Variants in DNAH17 observed in about 807,000 individuals in gnomAD.
DNAH17 encodes the protein axonemal beta dynein heavy chain 17.
A neutral mutation model predicts 485.6 loss-of-function variants in DNAH17; 376 were observed. That is an observed-to-expected ratio of 0.77 (90% confidence interval 0.71 to 0.84). The LOEUF (loss-of-function observed/expected upper bound fraction) is 0.84, where lower values mean the gene tolerates loss of function less well. Among genes scored for constraint, DNAH17 ranks in the 40% least tolerant of loss-of-function variants. The probability of loss-of-function intolerance (pLI) is 0.00; values close to 1 mark genes in which losing one functional copy is unlikely to be tolerated. For synonymous variants in DNAH17, 3,031 were observed against 2,405.9 expected, an observed-to-expected ratio of 1.26 and a Z score of -7.60; for missense variants, 6,370 against 5,839.3, an observed-to-expected ratio of 1.09 and a Z score of -2.96.
At chr17:78,428,390 T>TA in intron 77 of DNAH17, 135 bp downstream of exon 77, 1 of 1,118,702 alleles carries the variant, frequency 8.9e-7, no homozygotes, top group East Asian at 2.6e-5. Flanking sequence ...GTGTTTCTGA[T>TA]ACCCAAGCCC....
intron 69 of DNAH17, among the ~76,000 whole-genome samples, chr17:78,448,812 A>G (rs2087424334): frequency 6.6e-6 from 1 of 152,170 alleles, no homozygotes; most frequent in African/African-American, 2.4e-5. Flanking sequence ...GCCTTCCACC[A>G]TGGGATGACA....
intron 66 of DNAH17, among the ~76,000 whole-genome samples, chr17:78,451,157 C>G (rs1383742092): frequency 1.3e-5 from 2 of 152,266 alleles, no homozygotes; most frequent in African/African-American, 4.8e-5. Context: ...GGCTGGCAGC[C>G]AGGCCATTCT....
chr17:78,525,236 C>A, intron 24 of DNAH17, 75 bp from the exon 25 acceptor site: 1 of 1,549,460 alleles, frequency 6.5e-7, no homozygotes, highest in Non-Finnish European at 8.7e-7. Context: ...CGACGTTCTG[C>A]CCGTCTCTCC....
At chr17:78,535,304 C>CAGCTT (rs1258530701) in intron 19 of DNAH17, among the ~76,000 whole-genome samples, 1 of 152,224 alleles carries the variant, frequency 6.6e-6, no homozygotes, top group Non-Finnish European at 1.5e-5. Flanking sequence ...AACTCTGGAA[C>CAGCTT]AGCTTGCTGC....
At chr17:78,469,613 A>G (rs544676606) in intron 54 of DNAH17, among the ~76,000 whole-genome samples, 1 of 152,226 alleles carries the variant, frequency 6.6e-6, no homozygotes, top group Non-Finnish European at 1.5e-5. Flanking sequence ...AGGGTGCAGG[A>G]GACCCAAAAC....
At chr17:78,452,300 A>G (rs1181955024) in intron 65 of DNAH17, among the ~76,000 whole-genome samples, 2 of 152,176 alleles carry the variant, frequency 1.3e-5, no homozygotes, top group Non-Finnish European at 2.9e-5. Context: ...AATTTTTTAA[A>G]ATTGTAAAAT....
chr17:78,462,974 G>C lies in DNAH17; in HGVS notation c.9044C>G (p.Thr3015Ser). The change falls in exon 57 of 81, where the codon ACC becomes AGC. Residue 3015 changes from threonine (T) to serine (S), a missense_variant. Coordinates refer to ENST00000389840, the MANE Select transcript of DNAH17 (RefSeq NM_173628.4). ...YLATERRYNY[T>S]TPKTFLEQIK... Reference sequence around the variant, plus strand: ...CTGCTCCAGAAAGGTTTTGGGTGTGGTGTAGTTGTAGCGCCTCTCAGTAGC... The same window carrying C: ...CTGCTCCAGAAAGGTTTTGGGTGTGCTGTAGTTGTAGCGCCTCTCAGTAGC... 1 of 1,613,998 alleles carries C rather than the reference G, an allele frequency of 6.2e-7. No individual in the cohort carries two copies. Among genetic ancestry groups the C allele is most frequent in the Non-Finnish European group, 8.5e-7 (1 of 1,179,904 alleles).
chr17:78,436,742 G>A (rs1257538255), intron 74 of DNAH17, among the ~76,000 whole-genome samples: 1 of 152,112 alleles, frequency 6.6e-6, no homozygotes, highest in Non-Finnish European at 1.5e-5. Flanking sequence ...CTACTCGGGA[G>A]TCTGAGGCAC....
chr17:78,529,125 G>C (rs1482474534), intron 22 of DNAH17, among the ~76,000 whole-genome samples: 1 of 152,106 alleles, frequency 6.6e-6, no homozygotes, highest in South Asian at 2.1e-4. Context: ...TATTTTTGTA[G>C]AGATGGGCTT....
chr17:78,440,794 T>G (rs2087044162), intron 72 of DNAH17, among the ~76,000 whole-genome samples: 1 of 152,222 alleles, frequency 6.6e-6, no homozygotes, highest in South Asian at 2.1e-4. Flanking sequence ...TATATGTAAC[T>G]TACTGAGAAA....
rs1391619482 is a variant in DNAH17 at position 78,558,129 on chromosome 17, G to A, written c.2157C>T (p.Leu719=). ...TFRKFVGNLE[L]IVGWYNEIKT... ...TCACCTCATTATACCAGCCAACGAT[G>A]AGCTCCAGGTTGCCCACAAACTTCC... Residue 719 remains leucine, a synonymous_variant, in exon 14 of 81, where the codon CTC becomes CTT. Coordinates refer to ENST00000389840, the MANE Select transcript of DNAH17 (RefSeq NM_173628.4). 1 of 1,613,428 alleles carries A rather than the reference G, an allele frequency of 6.2e-7. No individual in the cohort carries two copies. Among genetic ancestry groups the A allele is most frequent in the South Asian group, 1.1e-5 (1 of 90,912 alleles).
chr17:78,566,766 C>T (rs562671202), intron 10 of DNAH17, 36 bp from the exon 11 acceptor site: 39 of 1,528,198 alleles, frequency 2.6e-5, no homozygotes, highest in Admixed American at 9.6e-5. Context: ...TTGTAATCAG[C>T]GTGCAAAGCA....
In DNAH17 at chr17:78,492,766, C is replaced by T. The variant is rs983922967; in HGVS notation, c.6409-1G>A. ...AGGTCTTGTTGAGGGATTTGAGGAC[C>T]TGGCGAAGGTGGGGGTCACTCACGT... On this transcript the variant is annotated splice_acceptor_variant, in intron 41 of 80. Coordinates refer to ENST00000389840, the MANE Select transcript of DNAH17 (RefSeq NM_173628.4). LOFTEE classifies it high-confidence loss of function. The T allele has an allele frequency of 6.2e-7, 1 of 1,609,612 alleles. No homozygotes were observed. The highest frequency in any genetic ancestry group is 8.5e-7 in the Non-Finnish European group (1 of 1,177,940).
intron 71 of DNAH17, among the ~76,000 whole-genome samples, chr17:78,442,646 C>T (rs990005826): frequency 5.4e-5 from 7 of 128,932 alleles, no homozygotes; most frequent in Admixed American, 3.0e-4. Flanking sequence ...GTTCGTCAGA[C>T]CTCACCACCT....
At position 78,572,165 on chromosome 17, in the gene DNAH17, G is replaced by A. The variant is rs77589905; in HGVS notation, c.540-383C>T. ...GACTTGCCCACGTGAGGCAAAATAC[G>A]GAACTAATTGTCACGGGGGTCTCAC... On this transcript the variant is annotated intron_variant, in intron 3 of 80. Transcript: ENST00000389840. Among the ~76,000 whole-genome samples, 1,246 of 152,278 alleles carry A rather than the reference G, an allele frequency of 8.2e-3. 17 individuals are homozygous for A. Among genetic ancestry groups the A allele is most frequent in the African/African-American group, 0.028 (1,148 of 41,552 alleles).
chr17:78,544,156 G>T (rs2091684755), intron 16 of DNAH17, among the ~76,000 whole-genome samples, 159 bp from the exon 17 acceptor site: 1 of 152,174 alleles, frequency 6.6e-6, no homozygotes, highest in South Asian at 2.1e-4. Context: ...GGCTACTAAG[G>T]ACCTGTGCCT....
chr17:78,553,933 C>T (rs2091964038), intron 14 of DNAH17, among the ~76,000 whole-genome samples: 1 of 149,402 alleles, frequency 6.7e-6, no homozygotes, highest in African/African-American at 2.4e-5. Context: ...TTGGCTCAGA[C>T]CCTTTCCCTG....
chr17:78,478,764 T>TCATCACATCAC (rs1364579771), intron 51 of DNAH17: 1 of 441,380 alleles, frequency 2.3e-6, no homozygotes, highest in East Asian at 3.8e-5. Flanking sequence ...ATCACTATCA[T>TCATCACATCAC]CATCACATCA....
chr17:78,566,738 C>T lies in DNAH17; in HGVS notation c.1453-8G>A, dbSNP rs765181080. ...ATAATCACGGTCAAAATTCTAAAAG[C>T]AAATGGAAATGTCAACCTTGTAATC... On this transcript the variant is annotated splice_region_variant and splice_polypyrimidine_tract_variant and intron_variant, in intron 10 of 80. Transcript: ENST00000389840. 18 of 1,583,150 alleles carry T rather than the reference C, an allele frequency of 1.1e-5. No homozygotes were observed. In the Admixed American group the frequency reaches 3.0e-4, roughly 27 times the overall value.
Sources: allele counts gnomAD v4.1 joint callset (sites outside exome capture counted in the v4.1 genomes callset), GRCh38; gene constraint gnomAD v4.1.1; transcripts MANE v1.5; gene names NCBI Gene and HGNC (gene_info 2026-07-23, HGNC 2026-07-21).